FBLN7: variants seen among roughly 807,000 people sequenced by gnomAD.
The protein encoded by FBLN7 is fibulin-7.
In FBLN7, 31 loss-of-function variants were observed where a neutral mutation model predicts 44.0. The ratio of observed to expected loss-of-function variants is 0.70; its 90% CI spans 0.53 to 0.95. The LOEUF (loss-of-function observed/expected upper bound fraction) is 0.95, where lower values mean the gene tolerates loss of function less well. Ranked by LOEUF, FBLN7 falls within the 40% of genes least tolerant of loss-of-function variation. The pLI is 0.00. For missense variants in FBLN7, 573 were observed against 618.5 expected, an observed-to-expected ratio of 0.93 and a Z score of 0.78; for synonymous variants, 262 against 253.4, an observed-to-expected ratio of 1.03 and a Z score of -0.32.
Position 112,159,729 on chromosome 2 carries a change from G to A in FBLN7, c.129G>A (p.Leu43=), listed in dbSNP as rs112466581. 1.9e-6 allele frequency: 3 copies of A among 1,590,552 alleles called. No individual in the cohort carries two copies. The highest frequency in any genetic ancestry group is 2.6e-6 in the Non-Finnish European group (3 of 1,168,526). The change falls in exon 2 of 8, where the codon CTG becomes CTA. Residue 43 remains leucine, a synonymous_variant. Transcript: ENST00000331203. ...CGGCCATCCGCCAGCTGCAGCAGCT[G>A]CTGAAGGGCCAGGAGACACGCTTCG... ...LLSAIRQLQQ[L]LKGQETRFAE...
the FBLN7 span, among the ~76,000 whole-genome samples, chr2:112,224,885 T>C: frequency 6.6e-6 from 1 of 152,198 alleles, no homozygotes; most frequent in Non-Finnish European, 1.5e-5. Context: ...GTCCTATTTA[T>C]TGATTGTGGT....
the FBLN7 span, among the ~76,000 whole-genome samples, chr2:112,211,017 A>G: frequency 2.6e-5 from 4 of 152,226 alleles, no homozygotes; most frequent in South Asian, 2.1e-4. Flanking sequence ...GGCTGTGGTT[A>G]TAAGACTGAA....
At chr2:112,171,730 C>T (rs1682471799) in intron 3 of FBLN7, among the ~76,000 whole-genome samples, 1 of 152,046 alleles carries the variant, frequency 6.6e-6, no homozygotes, top group Non-Finnish European at 1.5e-5. Context: ...TTTTTCATTA[C>T]CTCTTCTTTC....
At chr2:112,180,861 C>T (rs1270754930) in intron 4 of FBLN7, among the ~76,000 whole-genome samples, 6 of 133,742 alleles carry the variant, frequency 4.5e-5, no homozygotes, top group East Asian at 2.4e-4. Context: ...AGGCAGAGCT[C>T]GCAGTGAGCG....
At chr2:112,183,807 A>G (rs182178776) in intron 6 of FBLN7, among the ~76,000 whole-genome samples, 98 of 152,210 alleles carry the variant, frequency 6.4e-4, no homozygotes, top group South Asian at 4.1e-3. Context: ...TTGACAAGGA[A>G]TGTCTGCAGC....
At chr2:112,232,823 T>G in the FBLN7 span, among the ~76,000 whole-genome samples, 1 of 152,252 alleles carries the variant, frequency 6.6e-6, no homozygotes, top group Non-Finnish European at 1.5e-5. Context: ...CTGTGCCATT[T>G]GCACTGAAGA....
At chr2:112,190,787 G>A (rs1683460270), downstream of FBLN7, among the ~76,000 whole-genome samples, 1 of 152,136 alleles carries the variant, frequency 6.6e-6, no homozygotes, top group Admixed American at 6.5e-5. Flanking sequence ...TTCTAGTGGG[G>A]GATGGTAATT....
the FBLN7 span, among the ~76,000 whole-genome samples, chr2:112,233,055 A>G: frequency 1.1e-4 from 16 of 152,358 alleles, no homozygotes; most frequent in Admixed American, 2.0e-4. Context: ...AGCAGAAAGA[A>G]TCATCATTTG....
the FBLN7 span, among the ~76,000 whole-genome samples, chr2:112,202,446 T>C: frequency 6.6e-6 from 1 of 151,668 alleles, no homozygotes; most frequent in East Asian, 1.9e-4. Flanking sequence ...AATATATATA[T>C]TTTTAAGTGC....
Position 112,138,610 on chromosome 2 carries a change from G to T in FBLN7, c.-46G>T, listed in dbSNP as rs1221338075. On this transcript the variant is annotated 5_prime_UTR_variant, in exon 1 of 8. The change creates a new upstream start codon in the 5' untranslated region. Transcript: ENST00000331203. ...TCGCTGGGACAAACTCGGCAGCGGA[G>T]GCAAAGTTATTTCCCCTCCCAGGCA... 1.9e-6 allele frequency: 3 copies of T among 1,613,104 alleles called. No homozygotes were observed. The African/African-American group carries it at 4.0e-5, about 22-fold the overall frequency.
the FBLN7 span, among the ~76,000 whole-genome samples, chr2:112,203,905 T>C: frequency 6.6e-6 from 1 of 152,296 alleles, no homozygotes; most frequent in African/African-American, 2.4e-5. Context: ...ACTGCCCCCA[T>C]GATTCAAATT....
chr2:112,207,306 A>C, the FBLN7 span, among the ~76,000 whole-genome samples: 1 of 152,056 alleles, frequency 6.6e-6, no homozygotes, highest in South Asian at 2.1e-4. Context: ...GTCTCTACTA[A>C]AAATACAAAA....
chr2:112,206,333 T>C, the FBLN7 span, among the ~76,000 whole-genome samples: 1 of 152,186 alleles, frequency 6.6e-6, no homozygotes, highest in African/African-American at 2.4e-5. Flanking sequence ...TTTAACTGAC[T>C]TTTTTTCATT....
chr2:112,185,353 G>T lies in FBLN7; in HGVS notation c.947+14G>T, dbSNP rs535210460. 2 of 1,609,008 alleles carry T rather than the reference G, an allele frequency of 1.2e-6. No individual in the cohort carries two copies. Among genetic ancestry groups the T allele is most frequent in the South Asian group, 1.1e-5 (1 of 90,932 alleles). ...GACGTCTCCATTGTGAGTATCTCCA[G>T]GGGAGGCACACCCTCACCCAGGCCT... On this transcript the variant is annotated intron_variant, in intron 7 of 7. Transcript: ENST00000331203.
chr2:112,165,278 A>C (rs1475651525), intron 3 of FBLN7, 107 bp downstream of exon 3: 26 of 1,376,270 alleles, frequency 1.9e-5, no homozygotes, highest in Non-Finnish European at 2.4e-5. Flanking sequence ...TTGGTTCTTT[A>C]ATCATTCCTC....
the FBLN7 span, among the ~76,000 whole-genome samples, chr2:112,210,628 C>A: frequency 1.6e-5 from 2 of 125,098 alleles, no homozygotes; most frequent in African/African-American, 6.3e-5. Flanking sequence ...TGCACTCCAG[C>A]CTGCGTGACA....
the FBLN7 span, among the ~76,000 whole-genome samples, chr2:112,200,932 G>A: frequency 6.6e-6 from 1 of 152,198 alleles, no homozygotes; most frequent in Non-Finnish European, 1.5e-5. Flanking sequence ...CCATTTAAAT[G>A]TTTAAATGTC....
intron 3 of FBLN7, among the ~76,000 whole-genome samples, chr2:112,167,587 A>G (rs1303856782): frequency 1.3e-5 from 2 of 152,202 alleles, no homozygotes; most frequent in Non-Finnish European, 2.9e-5. Flanking sequence ...CAGGAAGCTC[A>G]TGAAAGATAG....
At chr2:112,160,696 ACACG>A (rs1229014052) in intron 2 of FBLN7, among the ~76,000 whole-genome samples, 1 of 110,796 alleles carries the variant, frequency 9.0e-6, no homozygotes, top group East Asian at 2.1e-4. Flanking sequence ...GCACACGCAC[ACACG>A]CACGCACACA....
Sources: allele counts gnomAD v4.1 joint callset (sites outside exome capture counted in the v4.1 genomes callset), GRCh38; gene constraint gnomAD v4.1.1; transcripts MANE v1.5; gene names NCBI Gene and HGNC (gene_info 2026-07-23, HGNC 2026-07-21).